CDKAL1: variants seen among roughly 807,000 people sequenced by gnomAD.
CDKAL1 encodes threonylcarbamoyladenosine tRNA methylthiotransferase.
In CDKAL1, 32 loss-of-function variants were observed where a neutral mutation model predicts 68.2. The observed-to-expected ratio is 0.47, with a 90% CI of 0.35 to 0.63. The LOEUF (loss-of-function observed/expected upper bound fraction) is 0.63. Among genes scored for constraint, CDKAL1 ranks in the 30% least tolerant of loss-of-function variants. CDKAL1 has a pLI of 0.00. For missense variants in CDKAL1, 606 were observed against 696.7 expected, an observed-to-expected ratio of 0.87 and a Z score of 1.47; for synonymous variants, 234 against 244.3, an observed-to-expected ratio of 0.96 and a Z score of 0.39.
rs111653720 is a variant in CDKAL1, at chr6:20,706,470, A to G, written c.372-33049A>G. On this transcript the variant is annotated intron_variant, in intron 5 of 15. Transcript: ENST00000274695. ...CTTACATTTTGAGTAAACTACTACA[A>G]TCCAGACTTTAATGGCACTGGACAC... Among the ~76,000 whole-genome samples, 414 of 152,302 alleles carry G rather than the reference A, an allele frequency of 2.7e-3. 1 individual carries two copies. The highest frequency in any genetic ancestry group is 0.024 in the Middle Eastern group (7 of 294).
chr6:20,632,884 G>C (rs907400610), intron 4 of CDKAL1, among the ~76,000 whole-genome samples: 10 of 152,142 alleles, frequency 6.6e-5, no homozygotes, highest in Non-Finnish European at 1.5e-4. Context: ...GAAGAGAGTA[G>C]AGAAAGCTTC....
intron 5 of CDKAL1, among the ~76,000 whole-genome samples, chr6:20,677,776 T>A (rs1044520396): frequency 1.3e-5 from 2 of 152,228 alleles, no homozygotes; most frequent in Non-Finnish European, 2.9e-5. Context: ...TTTAGTAATA[T>A]GAATTTTTCT....
intron 13 of CDKAL1, among the ~76,000 whole-genome samples, chr6:21,150,617 G>A (rs1487698505): frequency 3.9e-5 from 6 of 152,262 alleles, no homozygotes; most frequent in Middle Eastern, 3.4e-3. Context: ...TTAAACCAGT[G>A]ACCTTGGGAT....
intron 4 of CDKAL1, among the ~76,000 whole-genome samples, chr6:20,553,441 G>A (rs952494946): frequency 2.6e-5 from 4 of 152,018 alleles, no homozygotes; most frequent in African/African-American, 9.7e-5. Flanking sequence ...CCCAGGAGGC[G>A]GAGGTTGCTG....
intron 8 of CDKAL1, among the ~76,000 whole-genome samples, chr6:20,809,977 T>A (rs1776726653): frequency 6.6e-6 from 1 of 152,198 alleles, no homozygotes; most frequent in Non-Finnish European, 1.5e-5. Context: ...CAAGTTGGTT[T>A]AAAGATAGAT....
intron 10 of CDKAL1, among the ~76,000 whole-genome samples, chr6:20,974,747 G>A (rs1157554212): frequency 6.6e-6 from 1 of 151,524 alleles, no homozygotes; most frequent in Admixed American, 6.6e-5. Context: ...GGGAGTCCGA[G>A]GCTGACAGAT....
intron 11 of CDKAL1, among the ~76,000 whole-genome samples, chr6:21,017,673 T>C (rs1330860133): frequency 6.6e-6 from 1 of 152,196 alleles, no homozygotes; most frequent in Non-Finnish European, 1.5e-5. Flanking sequence ...TCTAATTCTT[T>C]ACGGCTGACT....
chr6:21,152,290 C>T (rs1776447472), intron 13 of CDKAL1, among the ~76,000 whole-genome samples: 1 of 152,182 alleles, frequency 6.6e-6, no homozygotes, highest in Non-Finnish European at 1.5e-5. Flanking sequence ...TTTTCTAACT[C>T]CTCCCCTTCA....
intron 13 of CDKAL1, among the ~76,000 whole-genome samples, chr6:21,110,014 C>A (rs1774043792): frequency 6.6e-6 from 1 of 152,194 alleles, no homozygotes; most frequent in Non-Finnish European, 1.5e-5. Context: ...ATCAAAGTCA[C>A]CTCAGATTAT....
intron 10 of CDKAL1, among the ~76,000 whole-genome samples, chr6:20,957,958 A>T (rs1764860138): frequency 6.9e-6 from 1 of 145,646 alleles, no homozygotes; most frequent in Non-Finnish European, 1.5e-5. Flanking sequence ...GTGACAAAGC[A>T]AGATTATCTC....
At chr6:20,839,395 A>G (rs1453165656) in intron 8 of CDKAL1, among the ~76,000 whole-genome samples, 1 of 152,180 alleles carries the variant, frequency 6.6e-6, no homozygotes, top group Non-Finnish European at 1.5e-5. Flanking sequence ...TTTTTGTCCT[A>G]TCTTGGCAAA....
intron 9 of CDKAL1, among the ~76,000 whole-genome samples, chr6:20,948,536 T>C (rs1764371170): frequency 6.6e-6 from 1 of 152,230 alleles, no homozygotes; most frequent in South Asian, 2.1e-4. Flanking sequence ...CAACTGATTA[T>C]TAATATTTTC....
At chr6:20,647,519 A>G (rs1210090554) in intron 4 of CDKAL1, among the ~76,000 whole-genome samples, 1 of 152,194 alleles carries the variant, frequency 6.6e-6, no homozygotes, top group Non-Finnish European at 1.5e-5. Flanking sequence ...CAGCAGATAA[A>G]AATGTATTCA....
chr6:21,125,861 C>T (rs369261071), intron 13 of CDKAL1, among the ~76,000 whole-genome samples: 4 of 152,296 alleles, frequency 2.6e-5, no homozygotes, highest in South Asian at 4.1e-4. Flanking sequence ...CCCTTTCATG[C>T]GCTCCCACAA....
intron 9 of CDKAL1, among the ~76,000 whole-genome samples, chr6:20,874,049 T>C (rs143919249): frequency 2.3e-4 from 35 of 152,270 alleles, no homozygotes; most frequent in Non-Finnish European, 3.4e-4. Flanking sequence ...CTTAGAATTA[T>C]GTTTGTTTGT....
chr6:20,677,040 T>G lies in CDKAL1; in HGVS notation c.371+27663T>G, dbSNP rs191158960. Among the ~76,000 whole-genome samples the G allele has an allele frequency of 2.0e-5, 3 of 152,054 alleles. No homozygotes were observed. In the South Asian group the frequency reaches 6.2e-4, roughly 32 times the overall value. ...TTAAAATAATTTCTTCTGTTTTTAT[T>G]ATTATTTATGCCTTGTTTTTTATTT... On this transcript the variant is annotated intron_variant, in intron 5 of 15. Coordinates refer to ENST00000274695, the MANE Select transcript of CDKAL1 (RefSeq NM_017774.3).
At chr6:21,088,814 C>A (rs899729190) in intron 12 of CDKAL1, among the ~76,000 whole-genome samples, 2 of 151,980 alleles carry the variant, frequency 1.3e-5, no homozygotes, top group Non-Finnish European at 2.9e-5. Context: ...TTATGGCAGG[C>A]GCCTGTAATC....
chr6:21,171,895 A>G (rs1427258424), intron 13 of CDKAL1, among the ~76,000 whole-genome samples: 1 of 151,968 alleles, frequency 6.6e-6, no homozygotes. Flanking sequence ...GTGCCTTTGT[A>G]TTTATTTTGC....
intron 9 of CDKAL1, among the ~76,000 whole-genome samples, chr6:20,917,573 GCT>G (rs2150640459): frequency 6.6e-6 from 1 of 152,192 alleles, no homozygotes; most frequent in East Asian, 1.9e-4. Context: ...ATATGAATAA[GCT>G]CTTTAGTGGT....
Sources: allele counts gnomAD v4.1 joint callset (sites outside exome capture counted in the v4.1 genomes callset), GRCh38; gene constraint gnomAD v4.1.1; transcripts MANE v1.5; gene names NCBI Gene and HGNC (gene_info 2026-07-23, HGNC 2026-07-21).